Variants in FBN3 observed in about 807,000 individuals in gnomAD.
FBN3 encodes the protein fibrillin-3.
In FBN3, 234 loss-of-function variants were observed where a neutral mutation model predicts 330.1. The ratio of observed to expected loss-of-function variants is 0.71; its 90% CI spans 0.64 to 0.79. FBN3 has a LOEUF of 0.79. FBN3 is among the 30% of genes least tolerant of loss of function. The pLI is 0.00. For synonymous variants in FBN3, 1,458 were observed against 1,517.3 expected (o/e 0.96, Z 0.91); for missense variants, 3,606 against 3,886.9 (o/e 0.93, Z 1.92).
chr19:8,097,226 T>C, intron 42 of FBN3, 63 bp downstream of exon 42: 6 of 1,565,988 alleles, frequency 3.8e-6, no homozygotes, highest in Non-Finnish European at 5.2e-6. Flanking sequence ...CTCGCCCAGA[T>C]TGCACAGTGG....
Position 8,131,703 on chromosome 19 carries a change from G to A in FBN3, c.1841C>T (p.Thr614Ile), listed in dbSNP as rs139856335. The change falls in exon 15 of 64, where the codon ACC becomes ATC. Residue 614 changes from threonine (T) to isoleucine (I), a missense_variant. By Grantham distance (89) the Thr-to-Ile change is moderately conservative (BLOSUM62 -1). Coordinates refer to ENST00000600128, the MANE Select transcript of FBN3 (RefSeq NM_032447.5). This position sits in a 1 kb window ranked among gnomAD's most constrained non-coding sequence, Gnocchi z 4.5. ...VGTDGRVCVD[T>I]HVRSTCYGAI... Reference sequence around the variant, plus strand: ...CCCATAGCAGGTGCTGCGCACGTGGGTGTCCACGCACACGCGGCCATCCGT... The same window carrying A: ...CCCATAGCAGGTGCTGCGCACGTGGATGTCCACGCACACGCGGCCATCCGT... The A allele has an allele frequency of 1.5e-3, 2,484 of 1,614,100 alleles. 4 individuals are homozygous for A. The highest frequency in any genetic ancestry group is 2.4e-3 in the Admixed American group (144 of 60,014).
chr19:8,111,624 G>A (rs778861199), intron 32 of FBN3, 24 bp downstream of exon 32: 2 of 1,453,548 alleles, frequency 1.4e-6, no homozygotes, highest in Non-Finnish European at 1.9e-6. Context: ...TAGGGCCCCT[G>A]CCCTCCCACC....
At chr19:8,123,686 T>C in intron 23 of FBN3, 97 bp from the exon 24 acceptor site, 3 of 1,592,206 alleles carry the variant, frequency 1.9e-6, no homozygotes, top group Non-Finnish European at 2.6e-6. Flanking sequence ...CTTACCCACA[T>C]CCCCTTTTCC....
chr19:8,119,580 C>T (rs2082789467), intron 25 of FBN3, among the ~76,000 whole-genome samples: 1 of 152,094 alleles, frequency 6.6e-6, no homozygotes, highest in Non-Finnish European at 1.5e-5. Context: ...GTGACACGAT[C>T]TCGGCTCACT....
chr19:8,093,549 G>T (rs745853977), intron 47 of FBN3, among the ~76,000 whole-genome samples: 11 of 152,174 alleles, frequency 7.2e-5, no homozygotes, highest in Non-Finnish European at 1.3e-4. Flanking sequence ...CGTGAACCTG[G>T]GAGGCGGAGC....
rs753549189 is a variant in FBN3, at chr19:8,129,007, C to G, written c.2296+21G>C. 22 of 1,603,398 alleles carry G rather than the reference C, an allele frequency of 1.4e-5. No individual in the cohort carries two copies. The East Asian group carries it at 4.5e-4, about 33-fold the overall frequency. Reference sequence around the variant, plus strand: ...GAGCATATGTGTGTGTGCAAACCCACGTGAGCCCGGGACCCAGTACCTTTG... The same window carrying G: ...GAGCATATGTGTGTGTGCAAACCCAGGTGAGCCCGGGACCCAGTACCTTTG... On this transcript the variant is annotated intron_variant, in intron 18 of 63. Coordinates refer to ENST00000600128, the MANE Select transcript of FBN3 (RefSeq NM_032447.5). The surrounding 1 kb of genome is among the most constrained non-coding windows in gnomAD (Gnocchi z 4.5).
chr19:8,135,935 T>TTGGGGGGGGGGGGGGGGGGGGGGGGCGGC, intron 13 of FBN3, 26 bp downstream of exon 13: 1 of 1,344,156 alleles, frequency 7.4e-7, no homozygotes, highest in Non-Finnish European at 1.0e-6. Flanking sequence ...CGGAAGCCCC[T>TTGGGGGGGGGGGGGGGGGGGGGGGGCGGC]GCCCACCCGC....
At chr19:8,126,369 T>C (rs1300107816) in intron 20 of FBN3, 22 bp from the exon 21 acceptor site, 2 of 1,584,262 alleles carry the variant, frequency 1.3e-6, no homozygotes, top group African/African-American at 1.3e-5. Context: ...AGAACAAGAG[T>C]GAAGAGAGGA....
In FBN3 at chr19:8,112,064, C is replaced by G. The variant is rs1371096476; in HGVS notation, c.3874G>C (p.Asp1292His). The stretch of plus-strand genomic sequence containing the variant: ...ATGTTGAGACAGGAGGCGTGACTGT[C>G]ACAGTTGTGTCCTCCAACCTCGCAT... ...DECEVGGHNCDSHASCLNIPG... is the reference protein window; with the variant it reads ...DECEVGGHNCHSHASCLNIPG... The change falls in exon 31 of 64, where the codon GAC (aspartate) becomes CAC (histidine). Residue 1292 changes from aspartate (D) to histidine (H), a missense_variant. Asp to His is a moderately conservative substitution (Grantham distance 81). Coordinates refer to ENST00000600128, the MANE Select transcript of FBN3 (RefSeq NM_032447.5). 1 of 1,613,570 alleles carries G rather than the reference C, an allele frequency of 6.2e-7. No homozygotes were observed. The highest frequency in any genetic ancestry group is 8.5e-7 in the Non-Finnish European group (1 of 1,179,844).
At chr19:8,108,122 G>A (rs768203066) in intron 37 of FBN3, 48 bp downstream of exon 37, 113 of 1,551,356 alleles carry the variant, frequency 7.3e-5, no homozygotes, top group Non-Finnish European at 9.6e-5. Context: ...TGAGAGAAAA[G>A]TCAGTCTCTA....
At chr19:8,139,125 G>T (rs955063318) in intron 8 of FBN3, among the ~76,000 whole-genome samples, 1 of 151,946 alleles carries the variant, frequency 6.6e-6, no homozygotes, top group Non-Finnish European at 1.5e-5. Context: ...GAGGCGGGTA[G>T]ATCATGAGGT....
intron 21 of FBN3, 85 bp downstream of exon 21, chr19:8,126,212 C>T (rs1230889673): frequency 6.8e-6 from 10 of 1,476,986 alleles, no homozygotes; most frequent in Admixed American, 2.0e-5. Context: ...AGGGCGGGGC[C>T]GGAGGTGGCA....
rs1235235093 is a variant in FBN3 at position 8,089,957 on chromosome 19, C to T, written c.6187G>A (p.Ala2063Thr). 3.1e-6 allele frequency: 5 copies of T among 1,610,384 alleles called. No individual in the cohort carries two copies. The highest frequency in any genetic ancestry group is 1.3e-5 in the African/African-American group (1 of 74,962). The change falls in exon 50 of 64, where the codon GCC becomes ACC. Residue 2063 changes from alanine to threonine, a missense_variant and splice_region_variant. Transcript: ENST00000600128. ...CELCPQEGSA[A>T]FQELCPFGHG... ...CCAAAGGGGCAGAGCTCCTGAAAGG[C>T]AGCTGGACGGAGAGGGGGAGGGGAG...
intron 24 of FBN3, among the ~76,000 whole-genome samples, chr19:8,123,128 C>T (rs62126085): frequency 1.3e-5 from 2 of 151,794 alleles, no homozygotes; most frequent in South Asian, 2.1e-4. Context: ...CCGAGGTGGG[C>T]GGATCACCTG....
intron 56 of FBN3, among the ~76,000 whole-genome samples, chr19:8,084,493 A>G (rs547824619): frequency 1.3e-5 from 2 of 152,036 alleles, no homozygotes; most frequent in Non-Finnish European, 2.9e-5. Flanking sequence ...CCAGCATGGC[A>G]AAACCTCATC....
intron 8 of FBN3, among the ~76,000 whole-genome samples, chr19:8,139,348 AAAATAAAT>A (rs539030073): frequency 2.6e-5 from 4 of 152,158 alleles, no homozygotes; most frequent in South Asian, 2.1e-4. Flanking sequence ...TTCCGCCTCA[AAAATAAAT>A]AAATAAATAA....
chr19:8,119,112 C>T lies in FBN3; in HGVS notation c.3212-90G>A, dbSNP rs950560950. 68 of 1,424,914 alleles carry T rather than the reference C, an allele frequency of 4.8e-5. No homozygotes were observed. In the Admixed American group the frequency reaches 6.7e-4, roughly 14 times the overall value. 88.3% of individuals were successfully genotyped at this position (1,424,914 alleles called of 1,614,324 possible). A position where few individuals can be genotyped will look rare whatever the true frequency, so the allele number is the denominator to read the frequency against. On this transcript the variant is annotated intron_variant, in intron 25 of 63. Transcript: ENST00000600128. ...GCTCATGCTGGCTTCTCTCCGCCAC[C>T]TCCCCAGCCCCCTTCACCCCAGCGG...
chr19:8,082,749 C>T (rs1048067607), intron 57 of FBN3, among the ~76,000 whole-genome samples: 1 of 152,098 alleles, frequency 6.6e-6, no homozygotes, highest in Non-Finnish European at 1.5e-5. Context: ...CCACCTTGGC[C>T]TCCCAAAGTG....
At chr19:8,101,590 C>T (rs1158397391) in intron 40 of FBN3, among the ~76,000 whole-genome samples, 2 of 152,190 alleles carry the variant, frequency 1.3e-5, no homozygotes, top group African/African-American at 4.8e-5. Context: ...TGCCCCTTCC[C>T]CAGCCCAGGA....
Sources: gnomAD v4.1 joint callset for allele counts (sites outside exome capture counted in the v4.1 genomes callset) on GRCh38, gnomAD v4.1.1 for gene constraint, Gnocchi (gnomAD v3.1) non-coding constraint, MANE v1.5 for transcripts, NCBI Gene and HGNC (gene_info 2026-07-23, HGNC 2026-07-21) for gene names.